Variants in TSC22D1 observed in about 807,000 individuals in gnomAD.
TSC22D1 encodes the protein TSC22 domain family protein 1.
TSC22D1 carries 9 observed loss-of-function variants against 74.2 expected under a neutral mutation model. The observed-to-expected ratio is 0.12, with a 90% confidence interval of 0.07 to 0.21. TSC22D1 has a LOEUF of 0.21. Among genes scored for constraint, TSC22D1 ranks in the 10% least tolerant of loss-of-function variants. TSC22D1 has a pLI of 1.00. For missense variants in TSC22D1, 1,427 were observed against 1,304.7 expected, an observed-to-expected ratio of 1.09 and a Z score of -1.44; for synonymous variants, 586 against 492.5, an observed-to-expected ratio of 1.19 and a Z score of -2.51.
At chr13:44,467,213 A>G (rs1877340685) in intron 1 of TSC22D1, among the ~76,000 whole-genome samples, 1 of 152,174 alleles carries the variant, frequency 6.6e-6, no homozygotes, top group South Asian at 2.1e-4. Context: ...ATGAAACTGG[A>G]TCCCTCCCTG....
chr13:44,481,360 C>G (rs1878169045), intron 1 of TSC22D1, among the ~76,000 whole-genome samples: 2 of 152,206 alleles, frequency 1.3e-5, no homozygotes, highest in East Asian at 3.9e-4. Context: ...AGACAGGTAA[C>G]TGGTGAGGGG....
chr13:44,465,740 A>G (rs1877242498), intron 1 of TSC22D1, among the ~76,000 whole-genome samples: 1 of 152,156 alleles, frequency 6.6e-6, no homozygotes, highest in Non-Finnish European at 1.5e-5. Context: ...TAGGAGGCCG[A>G]GGCGAGTGGA....
chr13:44,463,510 G>T (rs1281354789), intron 1 of TSC22D1, among the ~76,000 whole-genome samples: 2 of 152,194 alleles, frequency 1.3e-5, no homozygotes, highest in Non-Finnish European at 2.9e-5. Context: ...AAACTCAGAG[G>T]TGGGTCAATG....
chr13:44,501,477 C>T (rs1231064892), intron 1 of TSC22D1, among the ~76,000 whole-genome samples: 1 of 152,140 alleles, frequency 6.6e-6, no homozygotes, highest in East Asian at 1.9e-4. Flanking sequence ...AAACTAGCAA[C>T]AACTACCCTT....
chr13:44,483,667 CAAAAA>C (rs36015133), intron 1 of TSC22D1, among the ~76,000 whole-genome samples: 2 of 64,084 alleles, frequency 3.1e-5, no homozygotes, highest in African/African-American at 5.6e-5. Flanking sequence ...GACTCCGTCT[CAAAAA>C]AAAAAAAAAA....
chr13:44,513,432 G>A (rs1283790060), intron 1 of TSC22D1, among the ~76,000 whole-genome samples: 1 of 152,016 alleles, frequency 6.6e-6, no homozygotes, highest in African/African-American at 2.4e-5. Flanking sequence ...GAAATGATAG[G>A]TTTTTGTCAT....
At chr13:44,532,618 C>T (rs1345539406) in intron 1 of TSC22D1, among the ~76,000 whole-genome samples, 1 of 152,044 alleles carries the variant, frequency 6.6e-6, no homozygotes, top group Non-Finnish European at 1.5e-5. Flanking sequence ...GGACTATAGG[C>T]GCACGCCACC....
intron 1 of TSC22D1, among the ~76,000 whole-genome samples, chr13:44,504,995 TAGA>T (rs1566143481): frequency 6.6e-6 from 1 of 152,250 alleles, no homozygotes; most frequent in Non-Finnish European, 1.5e-5. Context: ...TGCTTTCATT[TAGA>T]AGGTTATCTC....
intron 1 of TSC22D1, among the ~76,000 whole-genome samples, chr13:44,469,627 T>C (rs1362762655): frequency 1.3e-5 from 2 of 152,184 alleles, no homozygotes; most frequent in Non-Finnish European, 2.9e-5. Flanking sequence ...ACGAATCTTG[T>C]ATAATTCACT....
chr13:44,576,046 G>A lies in TSC22D1; in HGVS notation c.29C>T (p.Ala10Val). Reference sequence around the variant, plus strand: ...GCTAATGTCTGCAGCGGCGGCGGCCGCGGCGGTGGACTCAGGCGGCTGGTG... The same window carrying A: ...GCTAATGTCTGCAGCGGCGGCGGCCACGGCGGTGGACTCAGGCGGCTGGTG... MHQPPESTAAAAAAADISAR... is the reference protein window; with the variant it reads MHQPPESTAVAAAAADISAR... The change falls in exon 1 of 3, where the codon GCG becomes GTG. Residue 10 changes from alanine (A) to valine (V), a missense_variant. This residue lies in a region of TSC22D1 where 1,343 missense variants were observed against 1,191.5 expected (regional missense o/e 1.13). Coordinates refer to ENST00000458659, the MANE Select transcript of TSC22D1 (RefSeq NM_183422.4). 1 of 1,570,704 alleles carries A rather than the reference G, an allele frequency of 6.4e-7. No homozygotes were observed. Among genetic ancestry groups the A allele is most frequent in the South Asian group, 1.2e-5 (1 of 86,178 alleles).
intron 1 of TSC22D1, among the ~76,000 whole-genome samples, chr13:44,500,280 C>T (rs1879167694): frequency 6.6e-6 from 1 of 151,886 alleles, no homozygotes; most frequent in Non-Finnish European, 1.5e-5. Context: ...TTGTAAACTG[C>T]CTTTAATCCC....
chr13:44,566,750 T>C (rs1030707065), intron 1 of TSC22D1, among the ~76,000 whole-genome samples: 8 of 151,870 alleles, frequency 5.3e-5, no homozygotes, highest in African/African-American at 1.7e-4. Flanking sequence ...GAAAAGACAA[T>C]AGCAAAAAAA....
chr13:44,525,390 C>T (rs1432828680), intron 1 of TSC22D1, among the ~76,000 whole-genome samples: 1 of 151,986 alleles, frequency 6.6e-6, no homozygotes, highest in Admixed American at 6.6e-5. Context: ...AATTCAAGAC[C>T]AGCCTAGCAA....
At chr13:44,439,190 A>G (rs1203579004) in intron 1 of TSC22D1, among the ~76,000 whole-genome samples, 1 of 152,250 alleles carries the variant, frequency 6.6e-6, no homozygotes, top group Non-Finnish European at 1.5e-5. Context: ...GTTATTGTTA[A>G]TACTTGGATA....
intron 1 of TSC22D1, among the ~76,000 whole-genome samples, chr13:44,467,809 C>T (rs1213541170): frequency 6.6e-6 from 1 of 152,134 alleles, no homozygotes; most frequent in Non-Finnish European, 1.5e-5. Context: ...GAAATTGGTA[C>T]AACCTCTGTA....
At chr13:44,435,717 A>G (rs1045151845) in intron 2 of TSC22D1, 2 of 391,828 alleles carry the variant, frequency 5.1e-6, no homozygotes, top group Non-Finnish European at 9.5e-6. Flanking sequence ...CCACATCGCT[A>G]AAGGTGTGCT....
chr13:44,515,599 G>A (rs2325116), intron 1 of TSC22D1, among the ~76,000 whole-genome samples: 131,058 of 152,134 alleles, frequency 0.86, 57,572 homozygotes, highest in Middle Eastern at 0.95. Context: ...CACCATACCC[G>A]GCTAATTTTG....
At chr13:44,455,720 A>C (rs182591728) in intron 1 of TSC22D1, among the ~76,000 whole-genome samples, 1 of 152,188 alleles carries the variant, frequency 6.6e-6, no homozygotes, top group Non-Finnish European at 1.5e-5. Flanking sequence ...AATTAATCGC[A>C]TAGGGAATCT....
At chr13:44,452,578 G>A (rs1189256774) in intron 1 of TSC22D1, 2 of 152,314 alleles carry the variant, frequency 1.3e-5, no homozygotes, top group Non-Finnish European at 2.9e-5. Flanking sequence ...GGAAGGGTGA[G>A]TATGTCTTAC....
Sources: allele counts gnomAD v4.1 joint callset (sites outside exome capture counted in the v4.1 genomes callset), GRCh38; gene constraint gnomAD v4.1.1; regional missense constraint gnomAD v4.1.1; transcripts MANE v1.5; gene names NCBI Gene and HGNC (gene_info 2026-07-23, HGNC 2026-07-21).